FBXL17: variants seen among roughly 807,000 people sequenced by gnomAD.
FBXL17 encodes F-box and leucine rich repeat protein 17.
FBXL17 carries 22 observed loss-of-function variants against 66.2 expected under a neutral mutation model. That is an observed-to-expected ratio of 0.33 (90% CI 0.24 to 0.47). FBXL17 has a LOEUF of 0.47. FBXL17 is among the 20% of genes least tolerant of loss of function. The probability of loss-of-function intolerance (pLI) is 1.00; values close to 1 mark genes in which losing one functional copy is unlikely to be tolerated. For missense variants in FBXL17, 878 were observed against 948.2 expected, an observed-to-expected ratio of 0.93 and a Z score of 0.97; for synonymous variants, 474 against 400.5, an observed-to-expected ratio of 1.18 and a Z score of -2.19.
In FBXL17 at chr5:108,381,599, G is replaced by C; in HGVS notation, c.93C>G (p.Leu31=). 2 of 1,478,544 alleles carry C rather than the reference G, an allele frequency of 1.4e-6. No individual in the cohort carries two copies. The highest frequency in any genetic ancestry group is 1.8e-6 in the Non-Finnish European group (2 of 1,120,210). 91.6% of individuals were successfully genotyped at this position (1,478,544 alleles called of 1,614,324 possible). A position where few individuals can be genotyped will look rare whatever the true frequency, so the allele number is the denominator to read the frequency against. The change falls in exon 1 of 9, where the codon CTC becomes CTG. Residue 31 remains leucine, a synonymous_variant. Coordinates refer to ENST00000542267, the MANE Select transcript of FBXL17 (RefSeq NM_001163315.3). ...CSWCRRRRPL[L]RLPRRTPAKV... ...TGGCTGGGGTCCGGCGGGGCAGCCT[G>C]AGGAGAGGGCGCCGGCGGCGGCACC...
intron 5 of FBXL17, among the ~76,000 whole-genome samples, chr5:108,193,481 C>T (rs1213067317): frequency 6.6e-6 from 1 of 152,074 alleles, no homozygotes; most frequent in Non-Finnish European, 1.5e-5. Flanking sequence ...TTTCTGTTCC[C>T]AAGCCTAGAA....
intron 5 of FBXL17, among the ~76,000 whole-genome samples, chr5:108,203,241 T>G (rs986920358): frequency 2.6e-5 from 4 of 152,044 alleles, no homozygotes; most frequent in Non-Finnish European, 5.9e-5. Flanking sequence ...CTCTTCCTCA[T>G]GCATCCCTAG....
At chr5:107,941,911 G>A (rs908923184) in intron 7 of FBXL17, among the ~76,000 whole-genome samples, 5 of 152,252 alleles carry the variant, frequency 3.3e-5, no homozygotes, top group Admixed American at 6.5e-5. Context: ...TTCCGTGACC[G>A]TCGTGGCTGA....
At chr5:108,116,337 C>T (rs930010149) in intron 6 of FBXL17, among the ~76,000 whole-genome samples, 8 of 151,926 alleles carry the variant, frequency 5.3e-5, no homozygotes, top group African/African-American at 1.9e-4. Context: ...TCAAATCGGG[C>T]AATTAAAAAT....
chr5:108,268,904 G>C (rs1445404694), intron 4 of FBXL17, among the ~76,000 whole-genome samples: 2 of 151,964 alleles, frequency 1.3e-5, no homozygotes, highest in East Asian at 1.9e-4. Context: ...AGTTTTATGT[G>C]CCACAAGAGC....
chr5:108,226,729 G>T (rs1755117047), intron 4 of FBXL17, among the ~76,000 whole-genome samples: 1 of 152,156 alleles, frequency 6.6e-6, no homozygotes, highest in African/African-American at 2.4e-5. Context: ...CATCTAGTCT[G>T]TCAAAGGTCT....
Position 108,171,640 on chromosome 5 carries a change from C to T in FBXL17, c.1745+14477G>A, listed in dbSNP as rs137926515. On this transcript the variant is annotated intron_variant, in intron 6 of 8. Coordinates refer to ENST00000542267, the MANE Select transcript of FBXL17 (RefSeq NM_001163315.3). ...CCAAAATTTAGTAGCTTTAAAAAAA[C>T]AACTCTTACTTGCTCACAACTCTGT... is the stretch of plus-strand genomic sequence containing the variant. Among the ~76,000 whole-genome samples, 33 of 152,258 alleles carry T rather than the reference C, an allele frequency of 2.2e-4. No homozygotes were observed. In the East Asian group the frequency reaches 6.4e-3, roughly 29 times the overall value.
chr5:107,880,103 G>A (rs1178614645), intron 8 of FBXL17: 1 of 218,982 alleles, frequency 4.6e-6, no homozygotes, highest in Non-Finnish European at 7.7e-6. Context: ...GTCGTGCTCC[G>A]TCATCCAGGC....
intron 6 of FBXL17, among the ~76,000 whole-genome samples, chr5:108,024,759 G>T (rs895068974): frequency 6.6e-6 from 1 of 152,024 alleles, no homozygotes; most frequent in African/African-American, 2.4e-5. Flanking sequence ...ATGCTCACTT[G>T]GTTTTGATAA....
intron 4 of FBXL17, among the ~76,000 whole-genome samples, chr5:108,296,006 G>A (rs1283420285): frequency 6.6e-6 from 1 of 151,420 alleles, no homozygotes; most frequent in African/African-American, 2.4e-5. Context: ...TAAGAATAGG[G>A]TGGAACAGGG....
At chr5:108,107,900 C>G (rs1414306418) in intron 6 of FBXL17, among the ~76,000 whole-genome samples, 2 of 152,076 alleles carry the variant, frequency 1.3e-5, no homozygotes, top group South Asian at 4.2e-4. Flanking sequence ...TCCATTGCAC[C>G]TAGAATAAAA....
chr5:108,344,978 C>T (rs1273250704), intron 4 of FBXL17, among the ~76,000 whole-genome samples: 2 of 152,140 alleles, frequency 1.3e-5, no homozygotes, highest in Non-Finnish European at 2.9e-5. Flanking sequence ...TATGTAGGTA[C>T]ATGACACCTG....
intron 7 of FBXL17, among the ~76,000 whole-genome samples, chr5:107,890,570 G>A (rs913992379): frequency 1.3e-5 from 2 of 151,800 alleles, no homozygotes; most frequent in Admixed American, 6.6e-5. Context: ...AGGCTGAGGC[G>A]GGAGGACTGC....
chr5:107,999,041 C>T (rs1402475801), intron 7 of FBXL17, among the ~76,000 whole-genome samples: 2 of 152,182 alleles, frequency 1.3e-5, no homozygotes, highest in South Asian at 2.1e-4. Flanking sequence ...GGTCTGCTGG[C>T]GATCTCTCCT....
At chr5:108,256,263 T>A (rs1756573407) in intron 4 of FBXL17, among the ~76,000 whole-genome samples, 1 of 152,218 alleles carries the variant, frequency 6.6e-6, no homozygotes, top group African/African-American at 2.4e-5. Context: ...AATTAAGTAC[T>A]ATGCCTTCTA....
At chr5:108,331,410 A>T (rs17452992) in intron 4 of FBXL17, among the ~76,000 whole-genome samples, 18,558 of 152,260 alleles carry the variant, frequency 0.12, 1,377 homozygotes, top group Admixed American at 0.16. Flanking sequence ...CGAGATAAAT[A>T]CTAAGCTATT....
intron 3 of FBXL17, among the ~76,000 whole-genome samples, chr5:108,361,528 G>A (rs180817631): frequency 2.0e-5 from 3 of 152,108 alleles, no homozygotes; most frequent in African/African-American, 4.8e-5. Context: ...GTCCTGCCCT[G>A]GGCATGCATG....
chr5:108,222,672 C>CT (rs34291617), intron 5 of FBXL17, among the ~76,000 whole-genome samples: 57,119 of 117,500 alleles, frequency 0.49, 14,814 homozygotes, highest in East Asian at 0.74. Flanking sequence ...ACTATGGCAT[C>CT]TTTTTTTTTT....
intron 4 of FBXL17, among the ~76,000 whole-genome samples, chr5:108,347,307 T>C (rs976781265): frequency 5.3e-5 from 8 of 152,160 alleles, no homozygotes; most frequent in African/African-American, 1.9e-4. Flanking sequence ...AAATACAGTA[T>C]AATAATCTTA....
Sources: gnomAD v4.1 joint callset for allele counts (sites outside exome capture counted in the v4.1 genomes callset) on GRCh38, gnomAD v4.1.1 for gene constraint, MANE v1.5 for transcripts, NCBI Gene and HGNC (gene_info 2026-07-23, HGNC 2026-07-21) for gene names.